PAH: variants seen among roughly 807,000 people sequenced by gnomAD.
The protein encoded by PAH is phenylalanine hydroxylase, also known as phenylalanine-4-hydroxylase.
A neutral mutation model predicts 62.0 loss-of-function variants in PAH; 64 were observed. The ratio of observed to expected loss-of-function variants is 1.03; its 90% CI spans 0.84 to 1.27. The LOEUF (loss-of-function observed/expected upper bound fraction) is 1.27, where lower values mean the gene tolerates loss of function less well. Ranked by LOEUF, PAH falls within the 50% of genes most tolerant of loss-of-function variation. The pLI, the probability that PAH is intolerant of heterozygous loss-of-function variation, is 0.00. For synonymous variants in PAH, 195 were observed against 196.2 expected (o/e 0.99, Z 0.05); for missense variants, 579 against 542.8 (o/e 1.07, Z -0.66).
At chr12:102,924,752 G>A (rs1225450717) in intron 1 of PAH, among the ~76,000 whole-genome samples, 2 of 152,096 alleles carry the variant, frequency 1.3e-5, no homozygotes, top group African/African-American at 4.8e-5. Context: ...GTGTTCCTTG[G>A]CTGTGAAACT....
At chr12:102,912,404 C>T (rs1253278186) in intron 2 of PAH, among the ~76,000 whole-genome samples, 4 of 152,010 alleles carry the variant, frequency 2.6e-5, no homozygotes, top group Non-Finnish European at 5.9e-5. Flanking sequence ...ATATTTATTT[C>T]TTGTTTACTC....
intron 1 of PAH, among the ~76,000 whole-genome samples, chr12:102,956,539 T>A (rs1305038030): frequency 1.3e-5 from 2 of 152,084 alleles, no homozygotes; most frequent in Non-Finnish European, 1.5e-5. Flanking sequence ...GGATGGTGGC[T>A]GCGCCAAGGC....
At chr12:102,909,545 A>G (rs1448111864) in intron 2 of PAH, among the ~76,000 whole-genome samples, 2 of 152,190 alleles carry the variant, frequency 1.3e-5, no homozygotes. Context: ...CTTTTTGGAA[A>G]AAAAGTCACT....
At chr12:102,895,869 A>AAATAT (rs953209518) in intron 2 of PAH, among the ~76,000 whole-genome samples, 2,068 of 118,554 alleles carry the variant, frequency 0.017, 33 homozygotes, top group African/African-American at 0.041. Flanking sequence ...AAAAAAAAAA[A>AAATAT]ATATATATAT....
intron 3 of PAH, among the ~76,000 whole-genome samples, chr12:102,877,795 C>T (rs980557438): frequency 1.3e-5 from 2 of 152,188 alleles, no homozygotes; most frequent in Admixed American, 6.5e-5. Flanking sequence ...AACTCATCTC[C>T]CTCCCACCCG....
chr12:102,922,525 G>C (rs1355309930), intron 1 of PAH, among the ~76,000 whole-genome samples: 1 of 152,088 alleles, frequency 6.6e-6, no homozygotes, highest in Non-Finnish European at 1.5e-5. Context: ...TAAACTTAAT[G>C]ATATATCTTG....
chr12:102,927,189 G>A (rs1485584087), intron 1 of PAH, among the ~76,000 whole-genome samples: 2 of 151,928 alleles, frequency 1.3e-5, no homozygotes, highest in East Asian at 1.9e-4. Context: ...AAAAATTCAA[G>A]GTGAAAGCTA....
At chr12:102,900,317 G>A (rs147095937) in intron 2 of PAH, among the ~76,000 whole-genome samples, 2,651 of 152,102 alleles carry the variant, frequency 0.017, 71 homozygotes, top group African/African-American at 0.061. Context: ...CCAAAGTGCC[G>A]GGATTACAGG....
chr12:102,892,020 C>A (rs778335289), intron 3 of PAH, among the ~76,000 whole-genome samples: 12 of 152,166 alleles, frequency 7.9e-5, no homozygotes, highest in Admixed American at 2.6e-4. Context: ...GGGGAAGCAG[C>A]TTGGGAGGCT....
intron 1 of PAH, among the ~76,000 whole-genome samples, chr12:102,931,402 G>C (rs1878868595): frequency 6.6e-6 from 1 of 152,142 alleles, no homozygotes; most frequent in Non-Finnish European, 1.5e-5. Context: ...CAAGTGCTGG[G>C]GGAATGCGCC....
chr12:102,875,713 C>T (rs779993040), intron 4 of PAH, among the ~76,000 whole-genome samples: 7 of 152,104 alleles, frequency 4.6e-5, no homozygotes, highest in Admixed American at 4.6e-4. Context: ...GTAATATACA[C>T]TAGGAGCTTT....
chr12:102,846,973 A>T, intron 8 of PAH, 22 bp from the exon 9 acceptor site: 2 of 1,607,850 alleles, frequency 1.2e-6, no homozygotes, highest in Middle Eastern at 1.7e-4. Context: ...GGAAAATAGA[A>T]CCTGTTCTGT....
In PAH at chr12:102,908,341, A is replaced by G. The variant is rs555579014; in HGVS notation, c.168+4450T>C. ...GTTGAAAACATTCTGTTCATTTACTATTATTTAATCTATTAACTCTGACTT... is the reference window on the plus strand; with the variant it reads ...GTTGAAAACATTCTGTTCATTTACTGTTATTTAATCTATTAACTCTGACTT... On this transcript the variant is annotated intron_variant, in intron 2 of 12. Coordinates refer to ENST00000553106, the MANE Select transcript of PAH (RefSeq NM_000277.3). Among the ~76,000 whole-genome samples, 22 of 152,266 alleles carry G rather than the reference A, an allele frequency of 1.4e-4. No individual in the cohort carries two copies. The South Asian group carries it at 4.6e-3, about 32-fold the overall frequency.
chr12:102,871,934 AAAAAAAAAAAAAAAAATATATAT>A (rs1226507791), intron 4 of PAH, among the ~76,000 whole-genome samples: 8,901 of 107,520 alleles, frequency 0.083, 320 homozygotes, highest in Admixed American at 0.16. Flanking sequence ...AAAAAAAAAA[AAAAAAAAAAAAAAAAATATATAT>A]ATATATATAT....
chr12:102,847,091 T>A (rs1043353025), intron 8 of PAH, 140 bp from the exon 9 acceptor site: 5 of 716,550 alleles, frequency 7.0e-6, no homozygotes, highest in Non-Finnish European at 1.3e-5. Context: ...TGTTATCAAG[T>A]CTTTCCTGCC....
At chr12:102,877,403 A>G in intron 4 of PAH, 59 bp downstream of exon 4, 1 of 1,126,564 alleles carries the variant, frequency 8.9e-7, no homozygotes, top group Non-Finnish European at 1.4e-6. Context: ...GGTAAGAGGA[A>G]GGGAGGGGAG....
chr12:102,929,015 T>C (rs1055449785), intron 1 of PAH, among the ~76,000 whole-genome samples: 1 of 152,158 alleles, frequency 6.6e-6, no homozygotes, highest in African/African-American at 2.4e-5. Flanking sequence ...TGGTAATAAA[T>C]GAGTTTTCAG....
intron 2 of PAH, among the ~76,000 whole-genome samples, chr12:102,911,267 TA>T (rs1878192350): frequency 6.6e-6 from 1 of 152,110 alleles, no homozygotes; most frequent in Non-Finnish European, 1.5e-5. Flanking sequence ...TAAAGTTATA[TA>T]TTTTAGTACT....
intron 2 of PAH, among the ~76,000 whole-genome samples, chr12:102,897,707 T>C (rs997181567): frequency 3.3e-5 from 5 of 152,164 alleles, no homozygotes; most frequent in African/African-American, 4.8e-5. Flanking sequence ...ATGTCTCAAA[T>C]GTCCCTAATT....
Sources: allele counts gnomAD v4.1 joint callset (sites outside exome capture counted in the v4.1 genomes callset), GRCh38; gene constraint gnomAD v4.1.1; transcripts MANE v1.5; gene names NCBI Gene and HGNC (gene_info 2026-07-23, HGNC 2026-07-21).